The following SLU7 variants were observed in gnomAD, a reference collection of about 807,000 sequenced individuals.
The protein encoded by SLU7 is pre-mRNA-splicing factor SLU7.
A neutral mutation model predicts 87.0 loss-of-function variants in SLU7; 60 were observed. The observed-to-expected ratio is 0.69, with a 90% confidence interval of 0.56 to 0.86. SLU7 has a LOEUF of 0.86. Ranked by LOEUF, SLU7 falls within the 40% of genes least tolerant of loss-of-function variation. The pLI is 0.00. For synonymous variants in SLU7, 197 were observed against 222.0 expected (o/e 0.89, Z 1.00); for missense variants, 507 against 686.6 (o/e 0.74, Z 2.92).
intron 4 of SLU7, 110 bp from the exon 5 acceptor site, chr5:160,413,730 G>T: frequency 9.2e-7 from 1 of 1,087,144 alleles, no homozygotes; most frequent in Non-Finnish European, 1.3e-6. Flanking sequence ...TTTACAGTTA[G>T]TCTTACAGTA....
At chr5:160,410,675 C>T (rs2113136083) in intron 6 of SLU7, among the ~76,000 whole-genome samples, 1 of 152,230 alleles carries the variant, frequency 6.6e-6, no homozygotes, top group South Asian at 2.1e-4. Context: ...CAACAAACAA[C>T]AGAGAATACA....
chr5:160,405,820 T>G (rs1168098451), intron 12 of SLU7, among the ~76,000 whole-genome samples: 1 of 152,116 alleles, frequency 6.6e-6, no homozygotes, highest in African/African-American at 2.4e-5. Flanking sequence ...ATTTACAAAC[T>G]AATTGGCCTA....
chr5:160,414,504 A>G, intron 2 of SLU7, 32 bp from the exon 3 acceptor site: 1 of 1,427,600 alleles, frequency 7.0e-7, no homozygotes, highest in South Asian at 1.4e-5. Context: ...AAAAAATTTA[A>G]GGATAAAATT....
intron 2 of SLU7, 27 bp from the exon 3 acceptor site, chr5:160,414,499 AT>A: frequency 5.8e-6 from 8 of 1,368,674 alleles, no homozygotes; most frequent in African/African-American, 1.5e-5. Flanking sequence ...AAAAAAAAAA[AT>A]TTAAGGATAA....
rs1156660876 is a variant in SLU7 at position 160,401,838 on chromosome 5, A to C, written c.*1447T>G. 6.6e-6 allele frequency: 1 copy of C among 152,232 alleles called. No homozygotes were observed. The highest frequency in any genetic ancestry group is 1.5e-5 in the Non-Finnish European group (1 of 68,044). The allele number at this position is 152,232 out of a possible 1,614,324, so 9.4% of individuals were successfully genotyped here. ...CAATCTAAAGCTCGACACTATGTATATCCAAAGTACTTGACAATTTGACTC... is the reference window on the plus strand; with the variant it reads ...CAATCTAAAGCTCGACACTATGTATCTCCAAAGTACTTGACAATTTGACTC... On this transcript the variant is annotated 3_prime_UTR_variant, in exon 16 of 16. Coordinates refer to ENST00000297151, the MANE Select transcript of SLU7 (RefSeq NM_006425.5).
rs2113158258 is a variant in SLU7, at chr5:160,414,130, TAA to T, written c.325-153_325-152del. On this transcript the variant is annotated intron_variant, in intron 3 of 15. Transcript: ENST00000297151. ...CCACACATTTATAAATGTGAAACTT[TAA>T]AGAGTTCAGGAGTGTAAAATTTATA... 3 of 689,618 alleles carry T rather than the reference TAA, an allele frequency of 4.4e-6. No homozygotes were observed. The East Asian group carries it at 8.8e-5, about 20-fold the overall frequency. The allele number at this position is 689,618 out of a possible 1,614,324, so 42.7% of individuals were successfully genotyped here.
At chr5:160,408,175 C>A (rs994603450) in intron 8 of SLU7, 107 bp from the exon 9 acceptor site, 11 of 1,130,948 alleles carry the variant, frequency 9.7e-6, no homozygotes, top group Non-Finnish European at 1.3e-5. Flanking sequence ...TGTGTGTATA[C>A]ATTTCTGGGG....
At chr5:160,415,360 A>C in intron 1 of SLU7, 50 bp from the exon 2 acceptor site, 1 of 1,341,012 alleles carries the variant, frequency 7.5e-7, no homozygotes. Context: ...TCATGAATTC[A>C]CTCAAACTAC....
At position 160,403,406 on chromosome 5, in the gene SLU7, T is replaced by C; in HGVS notation, c.1640A>G (p.Glu547Gly). Residue 547 changes from glutamate to glycine, a missense_variant, in exon 16 of 16, where the codon GAG (glutamate) becomes GGG (glycine). Glu to Gly is a moderately conservative substitution (Grantham distance 98, BLOSUM62 -2). This residue lies in a region of SLU7 where 201 missense variants were observed against 213.4 expected (regional missense o/e 0.94). Transcript: ENST00000297151. ...LHVKETMQIDERKRPYNSMYE... is the reference protein window; with the variant it reads ...LHVKETMQIDGRKRPYNSMYE... ...CATGCTATTGTAAGGCCGCTTCCTCTCATCAATCTGCATGGTCTCCTTGAC... is the reference window on the plus strand; with the variant it reads ...CATGCTATTGTAAGGCCGCTTCCTCCCATCAATCTGCATGGTCTCCTTGAC... The C allele has an allele frequency of 6.2e-7, 1 of 1,613,390 alleles. No individual in the cohort carries two copies. The highest frequency in any genetic ancestry group is 1.3e-5 in the African/African-American group (1 of 75,014).
intron 1 of SLU7, among the ~76,000 whole-genome samples, chr5:160,417,550 G>A (rs914306648): frequency 6.6e-6 from 1 of 152,170 alleles, no homozygotes; most frequent in Non-Finnish European, 1.5e-5. Flanking sequence ...CACTTTGGGA[G>A]GCCGAGGCGG....
intron 6 of SLU7, 79 bp downstream of exon 6, chr5:160,412,372 A>C (rs1765271556): frequency 2.2e-6 from 2 of 902,892 alleles, no homozygotes; most frequent in South Asian, 1.4e-5. Context: ...GAAGAGCTAT[A>C]AAATGAATTC....
chr5:160,408,158 A>T, intron 8 of SLU7, 90 bp from the exon 9 acceptor site: 1 of 1,157,054 alleles, frequency 8.6e-7, no homozygotes. Context: ...ATGATCAATT[A>T]AATAAATGTG....
chr5:160,407,245 C>T lies in SLU7; in HGVS notation c.1125+231G>A, dbSNP rs1281007351. 6.6e-6 allele frequency among the ~76,000 whole-genome samples: 1 copy of T among 152,172 alleles called. No individual in the cohort carries two copies. The highest frequency in any genetic ancestry group is 2.1e-4 in the South Asian group (1 of 4,832). ...AGCCCAGACCAGGAGACTTGGCCAA[C>T]TGTGAGAAACAATAAATGTTTATTT... On this transcript the variant is annotated intron_variant, in intron 11 of 15. Coordinates refer to ENST00000297151, the MANE Select transcript of SLU7 (RefSeq NM_006425.5). This position sits in a 1 kb window ranked among gnomAD's most constrained non-coding sequence, Gnocchi z 4.2.
chr5:160,404,115 G>A (rs1408299768), intron 15 of SLU7, among the ~76,000 whole-genome samples: 1 of 152,182 alleles, frequency 6.6e-6, no homozygotes, highest in African/African-American at 2.4e-5. Context: ...TGCAATCCCA[G>A]CACTTTGGGA....
rs781114772 is a variant in SLU7 at position 160,408,711 on chromosome 5, G to T, written c.640-14C>A. The T allele has an allele frequency of 1.3e-6, 2 of 1,488,486 alleles. No homozygotes were observed. The highest frequency in any genetic ancestry group is 2.6e-5 in the South Asian group (2 of 75,552). The allele number at this position is 1,488,486 out of a possible 1,614,324, so 92.2% of individuals were successfully genotyped here. ...TTTTGGAGAATTCTGCATCATGAAA[G>T]AAGAAAAATCATTCATAATCTCATT... On this transcript the variant is annotated splice_polypyrimidine_tract_variant and intron_variant, in intron 6 of 15. Transcript: ENST00000297151.
rs1195961238 is a variant in SLU7 at position 160,413,937 on chromosome 5, A to T, written c.367T>A (p.Cys123Ser). The stretch of plus-strand genomic sequence containing the variant: ...TTCTTTTTGTGTGTCATGGCCCCAC[A>T]ATTTTCACATGCTCCTTTGCGGTAC... Reference protein sequence around the residue: ...TKYRKGACENCGAMTHKKKDC... With the variant: ...TKYRKGACENSGAMTHKKKDC... The change falls in exon 4 of 16, where the codon TGT becomes AGT. Residue 123 changes from cysteine (C) to serine (S), a missense_variant. Around this residue, in one of 6 missense-constraint regions of SLU7, gnomAD observed 155 missense variants for 154.4 expected, o/e 1.00. Coordinates refer to ENST00000297151, the MANE Select transcript of SLU7 (RefSeq NM_006425.5). 6.2e-7 allele frequency: 1 copy of T among 1,602,064 alleles called. No individual in the cohort carries two copies. The highest frequency in any genetic ancestry group is 8.5e-7 in the Non-Finnish European group (1 of 1,175,624).
At chr5:160,405,172 C>T (rs1764958310) in intron 12 of SLU7, 37 bp from the exon 13 acceptor site, 1 of 1,447,408 alleles carries the variant, frequency 6.9e-7, no homozygotes, top group Admixed American at 1.7e-5. Context: ...AAAAAGGAAG[C>T]TGAAATTAGA....
Position 160,403,128 on chromosome 5 carries a change from T to C in SLU7, c.*157A>G, listed in dbSNP as rs1764855097. 1 of 454,634 alleles carries C rather than the reference T, an allele frequency of 2.2e-6. No homozygotes were observed. Among genetic ancestry groups the C allele is most frequent in the African/African-American group, 2.0e-5 (1 of 49,490 alleles). The allele number at this position is 454,634 out of a possible 1,614,324, so 28.2% of individuals were successfully genotyped here. The stretch of plus-strand genomic sequence containing the variant: ...TCTTCTTCTTTTCTTGTTTCCTCAG[T>C]ATGGAAAGGAGTGAACTTACTGTGA... On this transcript the variant is annotated 3_prime_UTR_variant, in exon 16 of 16. Transcript: ENST00000297151.
In SLU7 at chr5:160,407,922, A is replaced by T. The variant is rs1765074247; in HGVS notation, c.917+49T>A. ...ACCATCTATGGTCAGGTCAGAAAAC[A>T]ATTAACTTTCTCTCATCTTAAAATC... On this transcript the variant is annotated intron_variant, in intron 9 of 15. Coordinates refer to ENST00000297151, the MANE Select transcript of SLU7 (RefSeq NM_006425.5). This position sits in a 1 kb window ranked among gnomAD's most constrained non-coding sequence, Gnocchi z 4.2. 1 of 1,505,174 alleles carries T rather than the reference A, an allele frequency of 6.6e-7. No individual in the cohort carries two copies. Among genetic ancestry groups the T allele is most frequent in the African/African-American group, 1.4e-5 (1 of 72,634 alleles). The allele number at this position is 1,505,174 out of a possible 1,614,324, so 93.2% of individuals were successfully genotyped here. A position where few individuals can be genotyped will look rare whatever the true frequency, so the allele number is the denominator to read the frequency against.
Sources: allele counts gnomAD v4.1 joint callset (sites outside exome capture counted in the v4.1 genomes callset), GRCh38; gene constraint gnomAD v4.1.1; regional missense constraint gnomAD v4.1.1; non-coding constraint Gnocchi (gnomAD v3.1); transcripts MANE v1.5; gene names NCBI Gene and HGNC (gene_info 2026-07-23, HGNC 2026-07-21).